Variants in PDE4B observed in about 807,000 individuals in gnomAD.
PDE4B encodes the protein phosphodiesterase 4B.
PDE4B carries 20 observed loss-of-function variants against 82.2 expected under a neutral mutation model. The observed-to-expected ratio is 0.24, with a 90% CI of 0.17 to 0.35. PDE4B has a LOEUF of 0.35. PDE4B is among the 10% of genes least tolerant of loss of function. PDE4B has a pLI of 1.00. For synonymous variants in PDE4B, 320 were observed against 318.9 expected, an observed-to-expected ratio of 1.00 and a Z score of -0.04; for missense variants, 655 against 907.2, an observed-to-expected ratio of 0.72 and a Z score of 3.57.
chr1:66,130,370 T>G (rs1451898279), intron 3 of PDE4B, among the ~76,000 whole-genome samples: 1 of 152,196 alleles, frequency 6.6e-6, no homozygotes, highest in African/African-American at 2.4e-5. Flanking sequence ...CATGTGACAA[T>G]TGTTTATTTA....
chr1:66,200,661 G>A (rs1648822690), intron 3 of PDE4B, among the ~76,000 whole-genome samples: 1 of 152,106 alleles, frequency 6.6e-6, no homozygotes, highest in African/African-American at 2.4e-5. Context: ...TGTTATTGGT[G>A]TATAAGAATG....
intron 7 of PDE4B, among the ~76,000 whole-genome samples, chr1:66,285,786 G>A (rs567787387): frequency 2.6e-5 from 4 of 152,086 alleles, no homozygotes; most frequent in Admixed American, 2.0e-4. Flanking sequence ...CAAGAAAAGA[G>A]CTGTACAATG....
intron 15 of PDE4B, among the ~76,000 whole-genome samples, chr1:66,368,473 CT>C (rs1246737840): frequency 6.6e-6 from 1 of 152,146 alleles, no homozygotes; most frequent in Non-Finnish European, 1.5e-5. Flanking sequence ...TTGAGTAATT[CT>C]TTGCATTCTT....
chr1:65,907,055 A>G (rs1647034842), intron 1 of PDE4B, among the ~76,000 whole-genome samples: 1 of 152,166 alleles, frequency 6.6e-6, no homozygotes, highest in African/African-American at 2.4e-5. Context: ...ATATTGAGCA[A>G]CTTTACAAAT....
Position 66,373,250 on chromosome 1 carries a change from A to G in PDE4B, c.*572A>G, listed in dbSNP as rs1181174919. On this transcript the variant is annotated 3_prime_UTR_variant, in exon 17 of 17. Coordinates refer to ENST00000341517, the MANE Select transcript of PDE4B (RefSeq NM_002600.4). ...CTTGGGCAATATCCTTCACTTTACTACAGTTACTTTTGCAAACAGACAGAA... is the reference window on the plus strand; with the variant it reads ...CTTGGGCAATATCCTTCACTTTACTGCAGTTACTTTTGCAAACAGACAGAA... 6.5e-6 allele frequency: 1 copy of G among 153,296 alleles called. No homozygotes were observed. Among genetic ancestry groups the G allele is most frequent in the African/African-American group, 2.4e-5 (1 of 41,458 alleles). 9.5% of individuals were successfully genotyped at this position (153,296 alleles called of 1,614,324 possible).
chr1:66,202,529 G>A (rs373719490), intron 3 of PDE4B, among the ~76,000 whole-genome samples: 13 of 151,300 alleles, frequency 8.6e-5, no homozygotes, highest in Admixed American at 3.3e-4. Context: ...ATCTGGGTGC[G>A]CCTGTATTGG....
At chr1:65,794,726 G>A (rs56271614) in intron 1 of PDE4B, among the ~76,000 whole-genome samples, 133 of 152,178 alleles carry the variant, frequency 8.7e-4, no homozygotes, top group Non-Finnish European at 1.6e-3. Context: ...AAACAACAAC[G>A]TGCCAATTTT....
intron 3 of PDE4B, among the ~76,000 whole-genome samples, chr1:66,116,223 T>G (rs1421704807): frequency 6.6e-6 from 1 of 151,516 alleles, no homozygotes; most frequent in Non-Finnish European, 1.5e-5. Context: ...TTTTTTTTTA[T>G]CTGGGTCTCT....
At chr1:66,355,484 C>A in intron 8 of PDE4B, 43 bp from the exon 9 acceptor site, 3 of 1,248,668 alleles carry the variant, frequency 2.4e-6, no homozygotes, top group Non-Finnish European at 2.3e-6. Context: ...TGAACATTTG[C>A]TCTTTTTAAA....
intron 8 of PDE4B, among the ~76,000 whole-genome samples, chr1:66,348,856 A>G (rs1456243336): frequency 6.6e-6 from 1 of 152,058 alleles, no homozygotes; most frequent in Non-Finnish European, 1.5e-5. Flanking sequence ...TAGTTACAGT[A>G]TCTTTTGTCC....
intron 3 of PDE4B, among the ~76,000 whole-genome samples, chr1:66,197,583 C>G (rs1648437404): frequency 6.6e-6 from 1 of 152,098 alleles, no homozygotes; most frequent in South Asian, 2.1e-4. Flanking sequence ...AGTGAAAAAC[C>G]ATCTTTGCTG....
At chr1:65,818,757 C>G (rs1645916401) in intron 1 of PDE4B, among the ~76,000 whole-genome samples, 1 of 150,736 alleles carries the variant, frequency 6.6e-6, no homozygotes, top group Admixed American at 6.6e-5. Flanking sequence ...GCAACAAACT[C>G]AGGAGGCAGA....
intron 1 of PDE4B, among the ~76,000 whole-genome samples, chr1:65,794,423 C>T (rs944160171): frequency 5.3e-5 from 8 of 151,836 alleles, no homozygotes; most frequent in African/African-American, 1.7e-4. Flanking sequence ...TTCATAAAAA[C>T]GAAACAAATT....
At chr1:65,857,493 C>T (rs1646406428) in intron 1 of PDE4B, among the ~76,000 whole-genome samples, 1 of 152,038 alleles carries the variant, frequency 6.6e-6, no homozygotes, top group Non-Finnish European at 1.5e-5. Flanking sequence ...AAACTTTGCT[C>T]ATGTTAAGAG....
chr1:65,963,397 T>C (rs1307562905), intron 3 of PDE4B, among the ~76,000 whole-genome samples: 3 of 152,196 alleles, frequency 2.0e-5, no homozygotes, highest in Admixed American at 6.5e-5. Context: ...ATGTCGCAGC[T>C]GTCAGTAAAT....
At position 65,937,518 on chromosome 1, in the gene PDE4B, G is replaced by A. The variant is rs531853692; in HGVS notation, c.281+18683G>A. Among the ~76,000 whole-genome samples the A allele has an allele frequency of 6.5e-4, 99 of 152,288 alleles. 1 individual carries two copies. The highest frequency in any genetic ancestry group is 2.0e-3 in the African/African-American group (83 of 41,560). On this transcript the variant is annotated intron_variant, in intron 3 of 16. Coordinates refer to ENST00000341517, the MANE Select transcript of PDE4B (RefSeq NM_002600.4). ...TACCCATAGATGTGCAAATGCCAGG[G>A]ATTCAACAAAAGCTGGTGCATGGAT...
intron 1 of PDE4B, among the ~76,000 whole-genome samples, chr1:65,800,448 G>A (rs149025691): frequency 1.5e-3 from 233 of 152,286 alleles, no homozygotes; most frequent in African/African-American, 5.4e-3. Flanking sequence ...TATTTGCAAG[G>A]TTACACTTTA....
intron 1 of PDE4B, among the ~76,000 whole-genome samples, chr1:65,891,741 C>T (rs925703933): frequency 6.6e-6 from 1 of 152,008 alleles, no homozygotes; most frequent in Middle Eastern, 3.4e-3. Context: ...AATTTTATTG[C>T]AGTGCAAGGT....
At chr1:66,116,903 C>T (rs1645607142) in intron 3 of PDE4B, among the ~76,000 whole-genome samples, 1 of 152,124 alleles carries the variant, frequency 6.6e-6, no homozygotes, top group African/African-American at 2.4e-5. Flanking sequence ...TTCTGGTTCC[C>T]TTTTCAGCTA....
Sources: allele counts gnomAD v4.1 joint callset (sites outside exome capture counted in the v4.1 genomes callset), GRCh38; gene constraint gnomAD v4.1.1; transcripts MANE v1.5; gene names NCBI Gene and HGNC (gene_info 2026-07-23, HGNC 2026-07-21).